CRAMP1: variants seen among roughly 807,000 people sequenced by gnomAD.
The protein encoded by CRAMP1 is cramped chromatin regulator 1.
In CRAMP1, 50 loss-of-function variants were observed where a neutral mutation model predicts 115.4. The observed-to-expected ratio is 0.43, with a 90% CI of 0.35 to 0.55. CRAMP1 has a LOEUF of 0.55. CRAMP1 is among the 20% of genes least tolerant of loss of function. The pLI is 0.01. For synonymous variants in CRAMP1, 866 were observed against 745.4 expected, an observed-to-expected ratio of 1.16 and a Z score of -2.64; for missense variants, 1,679 against 1,721.7, an observed-to-expected ratio of 0.98 and a Z score of 0.44.
At chr16:1,632,680 T>G (rs1212443685) in intron 4 of CRAMP1, among the ~76,000 whole-genome samples, 1 of 152,166 alleles carries the variant, frequency 6.6e-6, no homozygotes, top group East Asian at 1.9e-4. Flanking sequence ...AAGCCTGTGG[T>G]CTCCACTGCA....
intron 3 of CRAMP1, among the ~76,000 whole-genome samples, chr16:1,628,032 C>T (rs2036520555): frequency 6.6e-6 from 1 of 152,148 alleles, no homozygotes; most frequent in Admixed American, 6.5e-5. Context: ...GTTAATGATC[C>T]ACCCTTTACC....
chr16:1,655,081 G>A (rs1306786378), intron 8 of CRAMP1, 138 bp from the exon 9 acceptor site: 1 of 690,528 alleles, frequency 1.4e-6, no homozygotes, highest in Admixed American at 2.4e-5. Context: ...GGGCCCTGCA[G>A]ACGCCCGCTC....
At chr16:1,645,163 C>T (rs1281736035) in intron 6 of CRAMP1, among the ~76,000 whole-genome samples, 1 of 151,998 alleles carries the variant, frequency 6.6e-6, no homozygotes, top group Non-Finnish European at 1.5e-5. Context: ...CGATTTCCCC[C>T]ATTATTAACA....
At chr16:1,664,161 G>T (rs890872420) in intron 13 of CRAMP1, among the ~76,000 whole-genome samples, 1 of 152,230 alleles carries the variant, frequency 6.6e-6, no homozygotes. Context: ...GACACTTGTA[G>T]GTCGAGAGAC....
chr16:1,661,748 A>T (rs754492488), intron 11 of CRAMP1, among the ~76,000 whole-genome samples: 21 of 152,068 alleles, frequency 1.4e-4, no homozygotes, highest in Non-Finnish European at 2.1e-4. Flanking sequence ...GGCATGTGCC[A>T]CCATGCTCGG....
rs2036774393 is a variant in CRAMP1, at chr16:1,656,408, C to A, written c.1651C>A (p.Leu551Met). 1 of 1,591,372 alleles carries A rather than the reference C, an allele frequency of 6.3e-7. No individual in the cohort carries two copies. Among genetic ancestry groups the A allele is most frequent in the Non-Finnish European group, 8.6e-7 (1 of 1,169,120 alleles). The change falls in exon 10 of 21, where the codon CTG becomes ATG. Residue 551 changes from leucine (L) to methionine (M), a missense_variant. By Grantham distance (15) the Leu-to-Met change is conservative (BLOSUM62 2). Transcript: ENST00000397412. This position sits in a 1 kb window ranked among gnomAD's most constrained non-coding sequence, Gnocchi z 5.6. Reference sequence around the variant, plus strand: ...GTGTGCCTGTGGCCAGCTCCCAGACCTGGAGGACGAGCTCTCGCTTCTAGA... The same window carrying A: ...GTGTGCCTGTGGCCAGCTCCCAGACATGGAGGACGAGCTCTCGCTTCTAGA... ...LPCACGQLPD[L>M]EDELSLLDPL...
chr16:1,655,205 TGTC>T lies in CRAMP1; in HGVS notation c.1038-10_1038-8del. ...TCTGCGAACCTCACTTCCTCCTGTC[TGTC>T]GTCTCCGTAGGATGATCGTGGAGCT... is the stretch of plus-strand genomic sequence containing the variant. On this transcript the variant is annotated splice_polypyrimidine_tract_variant and intron_variant, in intron 8 of 20. Coordinates refer to ENST00000397412, the MANE Select transcript of CRAMP1 (RefSeq NM_020825.4). 6.2e-7 allele frequency: 1 copy of T among 1,610,812 alleles called. No homozygotes were observed. Among genetic ancestry groups the T allele is most frequent in the Non-Finnish European group, 8.5e-7 (1 of 1,176,964 alleles).
intron 2 of CRAMP1, among the ~76,000 whole-genome samples, chr16:1,623,099 G>A (rs1203821162): frequency 1.3e-5 from 2 of 152,158 alleles, no homozygotes; most frequent in African/African-American, 4.8e-5. Flanking sequence ...GTTTCACCAT[G>A]TTGTCCAGGC....
intron 8 of CRAMP1, among the ~76,000 whole-genome samples, chr16:1,653,502 C>T (rs931563776): frequency 2.0e-5 from 3 of 152,184 alleles, no homozygotes; most frequent in Admixed American, 6.5e-5. Context: ...AAGGCGCCAT[C>T]GTGGAAATGG....
In CRAMP1 at chr16:1,668,175, A is replaced by G. The variant is rs751554390; in HGVS notation, c.3316A>G (p.Ile1106Val). The change falls in exon 18 of 21, where the codon ATC becomes GTC. Residue 1106 changes from isoleucine to valine, a missense_variant. By Grantham distance (29) the Ile-to-Val change is conservative (BLOSUM62 3). Around this residue, in one of 8 missense-constraint regions of CRAMP1, gnomAD observed 709 missense variants for 741.9 expected, o/e 0.96. Transcript: ENST00000397412. ...TAGCGACTCCATCATTGAGATCGCC[A>G]TCAGCTCCGGTCAGTACGGTAAGGG... is the stretch of plus-strand genomic sequence containing the variant. ...HISDSIIEIA[I>V]SSGQYGEGVP... 11 of 1,613,506 alleles carry G rather than the reference A, an allele frequency of 6.8e-6. No individual in the cohort carries two copies. Among genetic ancestry groups the G allele is most frequent in the Non-Finnish European group, 8.5e-6 (10 of 1,179,782 alleles).
chr16:1,632,444 C>A, intron 4 of CRAMP1, 79 bp downstream of exon 4: 2 of 1,381,878 alleles, frequency 1.4e-6, no homozygotes, highest in South Asian at 1.4e-5. Flanking sequence ...TCCAGCAAGC[C>A]CGCCGGACCT....
intron 14 of CRAMP1, chr16:1,665,795 A>G (rs544738386): frequency 2.0e-4 from 87 of 442,278 alleles, no homozygotes; most frequent in African/African-American, 1.7e-3. Flanking sequence ...GGGGCTTGTC[A>G]CCCTTCAAGA....
chr16:1,649,032 C>T lies in CRAMP1; in HGVS notation c.828-3464C>T, dbSNP rs532197954. Among the ~76,000 whole-genome samples the T allele has an allele frequency of 2.6e-5, 4 of 151,524 alleles. No individual in the cohort carries two copies. The East Asian group carries it at 5.8e-4, about 22-fold the overall frequency. ...TGAGATCATGCCACTGCAGTCCAGC[C>T]TGGGCAATAGAGCAAGACTCCATCT... On this transcript the variant is annotated intron_variant, in intron 6 of 20. Coordinates refer to ENST00000397412, the MANE Select transcript of CRAMP1 (RefSeq NM_020825.4).
At position 1,662,802 on chromosome 16, in the gene CRAMP1, G is replaced by T. The variant is rs766024674; in HGVS notation, c.2637G>T (p.Arg879=). 5 of 1,613,874 alleles carry T rather than the reference G, an allele frequency of 3.1e-6. No individual in the cohort carries two copies. The highest frequency in any genetic ancestry group is 4.2e-6 in the Non-Finnish European group (5 of 1,179,888). ...TCCTGCCAAAGCCCCGGAAGCTGCGGAACCGGCACCTGCGGAAGCCACTGG... is the reference window on the plus strand; with the variant it reads ...TCCTGCCAAAGCCCCGGAAGCTGCGTAACCGGCACCTGCGGAAGCCACTGG... ...DFFLPKPRKL[R]NRHLRKPLVV... The change falls in exon 13 of 21, where the codon CGG becomes CGT. Residue 879 remains arginine, a synonymous_variant. Transcript: ENST00000397412.
intron 6 of CRAMP1, chr16:1,647,090 G>A: frequency 1.4e-6 from 1 of 702,832 alleles, no homozygotes; most frequent in East Asian, 2.7e-5. Flanking sequence ...GGTGCCTGTG[G>A]GAGGCTACCC....
intron 3 of CRAMP1, among the ~76,000 whole-genome samples, chr16:1,628,180 T>C (rs2036521703): frequency 6.6e-6 from 1 of 152,220 alleles, no homozygotes; most frequent in Admixed American, 6.6e-5. Context: ...GTTCTGATCA[T>C]GTAATGCTTT....
Position 1,670,779 on chromosome 16 carries a change from T to G in CRAMP1, c.3615T>G (p.Phe1205Leu), listed in dbSNP as rs1304933732. The change falls in exon 20 of 21, where the codon TTT becomes TTG. Residue 1205 changes from phenylalanine (F) to leucine (L), a missense_variant. This residue lies in a region of CRAMP1 where 709 missense variants were observed against 741.9 expected (regional missense o/e 0.96). Coordinates refer to ENST00000397412, the MANE Select transcript of CRAMP1 (RefSeq NM_020825.4). ...SLLDGNSRDS[F>L]VSRSLADVAE... ...TGGATGGAAACTCGCGGGACTCATT[T>G]GTGTCCAGGTCCCTGGCTGACGTTG... 3.7e-6 allele frequency: 6 copies of G among 1,614,034 alleles called. No homozygotes were observed. The highest frequency in any genetic ancestry group is 4.2e-6 in the Non-Finnish European group (5 of 1,179,890).
At chr16:1,636,846 C>T (rs1303843105) in intron 4 of CRAMP1, among the ~76,000 whole-genome samples, 1 of 152,178 alleles carries the variant, frequency 6.6e-6, no homozygotes, top group East Asian at 1.9e-4. Flanking sequence ...GTGACAGCTC[C>T]AGGCAGTGGC....
chr16:1,637,816 T>C lies in CRAMP1; in HGVS notation c.695-8T>C. ...CTCTCTAAAGCCGCCTTCTCTTCTG[T>C]TTCTCAGTGTTCTCTCGAGGCCTGA... On this transcript the variant is annotated splice_region_variant and splice_polypyrimidine_tract_variant and intron_variant, in intron 4 of 20. Coordinates refer to ENST00000397412, the MANE Select transcript of CRAMP1 (RefSeq NM_020825.4). 1 of 1,487,704 alleles carries C rather than the reference T, an allele frequency of 6.7e-7. No homozygotes were observed. Among genetic ancestry groups the C allele is most frequent in the Non-Finnish European group, 9.0e-7 (1 of 1,110,748 alleles). The allele number at this position is 1,487,704 out of a possible 1,614,324, so 92.2% of individuals were successfully genotyped here. A position where few individuals can be genotyped will look rare whatever the true frequency, so the allele number is the denominator to read the frequency against.
Sources: gnomAD v4.1 joint callset for allele counts (sites outside exome capture counted in the v4.1 genomes callset) on GRCh38, gnomAD v4.1.1 for gene constraint, gnomAD v4.1.1 regional missense constraint, Gnocchi (gnomAD v3.1) non-coding constraint, MANE v1.5 for transcripts, NCBI Gene and HGNC (gene_info 2026-07-23, HGNC 2026-07-21) for gene names.